ZNF385D: variants seen among roughly 807,000 people sequenced by gnomAD.
ZNF385D encodes the protein zinc finger protein 659.
A neutral mutation model predicts 35.8 loss-of-function variants in ZNF385D; 15 were observed. The ratio of observed to expected loss-of-function variants is 0.42; its 90% CI spans 0.28 to 0.64. The LOEUF (loss-of-function observed/expected upper bound fraction) is 0.64. Ranked by LOEUF, ZNF385D falls within the 30% of genes least tolerant of loss-of-function variation. The probability of loss-of-function intolerance (pLI) is 0.23; values close to 1 mark genes in which losing one functional copy is unlikely to be tolerated. For missense variants in ZNF385D, 474 were observed against 494.6 expected, an observed-to-expected ratio of 0.96 and a Z score of 0.39; for synonymous variants, 212 against 186.8, an observed-to-expected ratio of 1.13 and a Z score of -1.10.
intron 3 of ZNF385D, among the ~76,000 whole-genome samples, chr3:22,168,148 T>G (rs149193963): frequency 1.3e-5 from 2 of 152,164 alleles, no homozygotes. Context: ...GTAACTCAAG[T>G]TGCAGTGAGT....
intron 3 of ZNF385D, among the ~76,000 whole-genome samples, chr3:22,049,943 A>G (rs577917216): frequency 6.6e-6 from 1 of 152,246 alleles, no homozygotes; most frequent in African/African-American, 2.4e-5. Context: ...TATCAGGAAT[A>G]ATGGCCATAG....
intron 3 of ZNF385D, among the ~76,000 whole-genome samples, chr3:22,148,731 G>A (rs1705029377): frequency 6.6e-6 from 1 of 152,080 alleles, no homozygotes; most frequent in Non-Finnish European, 1.5e-5. Context: ...ACCTTTTATA[G>A]GGTCCAGCAG....
Position 21,493,967 on chromosome 3 carries a change from C to T in ZNF385D, c.439+16894G>A, listed in dbSNP as rs563087886. Among the ~76,000 whole-genome samples, 5 of 152,128 alleles carry T rather than the reference C, an allele frequency of 3.3e-5. No individual in the cohort carries two copies. The South Asian group carries it at 1.0e-3, about 32-fold the overall frequency. On this transcript the variant is annotated intron_variant, in intron 4 of 7. Transcript: ENST00000281523. ...AATTAACATTTGACTGCAAGAAAAA[C>T]AGGCTTTTTTTTCCTTTGTCTTTAA...
At chr3:22,280,864 A>AT (rs1322360522) in intron 2 of ZNF385D, among the ~76,000 whole-genome samples, 55 of 151,568 alleles carry the variant, frequency 3.6e-4, no homozygotes, top group African/African-American at 1.2e-3. Context: ...CATTATGGTC[A>AT]TTTTCACGTA....
intron 3 of ZNF385D, among the ~76,000 whole-genome samples, chr3:21,814,962 A>C (rs1282584907): frequency 6.6e-6 from 1 of 152,224 alleles, no homozygotes; most frequent in Non-Finnish European, 1.5e-5. Flanking sequence ...ATGTAAAAAA[A>C]CAGAAATTAT....
At chr3:21,636,344 A>ATATATATGAT (rs1203230437) in intron 2 of ZNF385D, among the ~76,000 whole-genome samples, 2 of 139,936 alleles carry the variant, frequency 1.4e-5, no homozygotes, top group African/African-American at 5.2e-5. Flanking sequence ...ATGATTTTAC[A>ATATATATGAT]TATATATGAT....
chr3:21,851,882 C>G (rs1473321488), intron 3 of ZNF385D, among the ~76,000 whole-genome samples: 1 of 151,942 alleles, frequency 6.6e-6, no homozygotes, highest in Non-Finnish European at 1.5e-5. Context: ...CTACCTTGGC[C>G]TTTGTCTCCT....
intron 4 of ZNF385D, among the ~76,000 whole-genome samples, chr3:21,473,722 A>G (rs1020498566): frequency 7.9e-5 from 12 of 152,172 alleles, no homozygotes; most frequent in Middle Eastern, 6.8e-3. Flanking sequence ...AGCTCTTTGC[A>G]TATACTTTCT....
chr3:21,792,823 C>T (rs554811251), intron 3 of ZNF385D, among the ~76,000 whole-genome samples: 1 of 152,234 alleles, frequency 6.6e-6, no homozygotes, highest in South Asian at 2.1e-4. Flanking sequence ...CTATTTTGTG[C>T]CAAATGATTG....
At chr3:21,566,974 T>TA in intron 2 of ZNF385D, among the ~76,000 whole-genome samples, 1 of 152,228 alleles carries the variant, frequency 6.6e-6, no homozygotes, top group Non-Finnish European at 1.5e-5. Flanking sequence ...TCTGGAATCT[T>TA]TCATTCAATA....
intron 2 of ZNF385D, among the ~76,000 whole-genome samples, chr3:22,337,214 C>G (rs1695211707): frequency 6.6e-6 from 1 of 151,594 alleles, no homozygotes; most frequent in Admixed American, 6.6e-5. Context: ...ATGGATAGCT[C>G]CACATTTCAT....
At chr3:21,850,259 A>T (rs1251910249) in intron 3 of ZNF385D, among the ~76,000 whole-genome samples, 1 of 152,124 alleles carries the variant, frequency 6.6e-6, no homozygotes, top group Non-Finnish European at 1.5e-5. Context: ...GAAAGTGGAT[A>T]ATTCTTTAAA....
intron 1 of ZNF385D, among the ~76,000 whole-genome samples, chr3:21,709,064 A>G (rs1200845852): frequency 6.6e-6 from 1 of 152,168 alleles, no homozygotes; most frequent in African/African-American, 2.4e-5. Flanking sequence ...AAACTCTCAC[A>G]GGCTCAATAC....
At chr3:21,959,427 G>C (rs1273521060) in intron 3 of ZNF385D, among the ~76,000 whole-genome samples, 6 of 152,128 alleles carry the variant, frequency 3.9e-5, no homozygotes, top group African/African-American at 1.4e-4. Flanking sequence ...ATACTATAGT[G>C]TTTGTGAGGA....
chr3:21,894,957 C>A (rs992648955), intron 3 of ZNF385D, among the ~76,000 whole-genome samples: 1 of 151,904 alleles, frequency 6.6e-6, no homozygotes, highest in South Asian at 2.1e-4. Context: ...AAATCACCAC[C>A]CAGCAAAACA....
intron 3 of ZNF385D, among the ~76,000 whole-genome samples, chr3:21,555,481 C>CTGTT (rs973640860): frequency 6.6e-6 from 1 of 152,022 alleles, no homozygotes; most frequent in Admixed American, 6.6e-5. Context: ...TTCTGTTCTT[C>CTGTT]TGTTAGTTTG....
chr3:21,683,853 C>T (rs1432477958), intron 1 of ZNF385D, among the ~76,000 whole-genome samples: 1 of 149,938 alleles, frequency 6.7e-6, no homozygotes, highest in Admixed American at 6.6e-5. Context: ...CTAAATTCTG[C>T]TAACAAGAAT....
upstream of ZNF385D, among the ~76,000 whole-genome samples, chr3:21,752,007 A>AGAT (rs143047740): frequency 1.1e-5 from 1 of 88,584 alleles, no homozygotes; most frequent in African/African-American, 4.9e-5. Context: ...ACACACACCC[A>AGAT]CCCCCCTCCC....
intron 3 of ZNF385D, among the ~76,000 whole-genome samples, chr3:22,101,977 T>A (rs1037973935): frequency 6.6e-6 from 1 of 151,336 alleles, no homozygotes. Flanking sequence ...GGATCTAGTA[T>A]CCTACTCCCT....
Sources: allele counts gnomAD v4.1 joint callset (sites outside exome capture counted in the v4.1 genomes callset), GRCh38; gene constraint gnomAD v4.1.1; transcripts MANE v1.5; gene names NCBI Gene and HGNC (gene_info 2026-07-23, HGNC 2026-07-21).